HECTD4: variants seen among roughly 807,000 people sequenced by gnomAD.
HECTD4 encodes probable E3 ubiquitin-protein ligase HECTD4.
Under a neutral mutation model 471.5 loss-of-function variants are expected in HECTD4, and 114 were observed. The observed-to-expected ratio is 0.24, with a 90% CI of 0.21 to 0.28. The LOEUF (loss-of-function observed/expected upper bound fraction) is 0.28, where lower values mean the gene tolerates loss of function less well. HECTD4 is among the 10% of genes least tolerant of loss of function. HECTD4 has a pLI of 1.00. For missense variants in HECTD4, 3,866 were observed against 5,651.5 expected (o/e 0.68, Z 10.13); for synonymous variants, 2,012 against 2,256.0 (o/e 0.89, Z 3.07).
Position 112,324,074 on chromosome 12 carries a change from CTTT to C in HECTD4, c.178-4335_178-4333del, listed in dbSNP as rs1418356892. Among the ~76,000 whole-genome samples the C allele has an allele frequency of 6.1e-3, 524 of 86,044 alleles. 103 individuals are homozygous for C. Among genetic ancestry groups the C allele is most frequent in the African/African-American group, 0.026 (400 of 15,370 alleles). 56.4% of individuals were successfully genotyped at this position (86,044 alleles called of 152,430 possible). On this transcript the variant is annotated intron_variant, in intron 1 of 75. Transcript: ENST00000682272. Reference sequence around the variant, plus strand: ...TCTTTCTTTCTTTCTTTCTTTCTTTCTTTCTTTCTTTCTTTCTTTCTTTCTTTC... The same window carrying C: ...TCTTTCTTTCTTTCTTTCTTTCTTTCCTTTCTTTCTTTCTTTCTTTCTTTC...
At chr12:112,350,669 C>T (rs1204259206) in intron 1 of HECTD4, among the ~76,000 whole-genome samples, 1 of 152,082 alleles carries the variant, frequency 6.6e-6, no homozygotes, top group East Asian at 1.9e-4. Context: ...TATAGTGTCC[C>T]TCAAGTGAGT....
chr12:112,180,065 G>GA (rs549863209), intron 62 of HECTD4, among the ~76,000 whole-genome samples: 7 of 152,308 alleles, frequency 4.6e-5, no homozygotes, highest in Admixed American at 4.6e-4. Flanking sequence ...ATGCTCTTAG[G>GA]AATCACTCCG....
intron 1 of HECTD4, among the ~76,000 whole-genome samples, chr12:112,377,856 A>G (rs73209619): frequency 0.01 from 1,539 of 152,280 alleles, 9 homozygotes; most frequent in Non-Finnish European, 0.017. Context: ...GGTAACAAGA[A>G]TAAAACTCGG....
intron 7 of HECTD4, among the ~76,000 whole-genome samples, chr12:112,293,434 C>T (rs893940119): frequency 1.3e-5 from 2 of 150,682 alleles, no homozygotes; most frequent in Admixed American, 1.3e-4. Context: ...CTCAGCCACT[C>T]GGGAGGCTGA....
chr12:112,308,871 T>C lies in HECTD4; in HGVS notation c.1046A>G (p.Asn349Ser). The C allele has an allele frequency of 6.5e-7, 1 of 1,536,082 alleles. No homozygotes were observed. The highest frequency in any genetic ancestry group is 8.7e-7 in the Non-Finnish European group (1 of 1,146,872). ...GTLRGFVYCR[N>S]EELEPGWVAF... ...CACCCATCCTGGTTCCAACTCCTCG[T>C]TCCGGCAGTACACAAAACCTCTGTG... Residue 349 changes from asparagine (N) to serine (S), a missense_variant, in exon 6 of 76, where the codon AAC becomes AGC. Around this residue, in one of 16 missense-constraint regions of HECTD4, gnomAD observed 440 missense variants for 636.0 expected, o/e 0.69. Transcript: ENST00000682272.
At chr12:112,248,568 C>T (rs933159516) in intron 25 of HECTD4, 56 bp from the exon 26 acceptor site, 2 of 1,153,662 alleles carry the variant, frequency 1.7e-6, no homozygotes, top group Non-Finnish European at 2.4e-6. Context: ...CTTCTCAATA[C>T]TGTATTTTAT....
At chr12:112,351,512 A>G (rs1436615845) in intron 1 of HECTD4, among the ~76,000 whole-genome samples, 3 of 152,260 alleles carry the variant, frequency 2.0e-5, no homozygotes, top group Non-Finnish European at 4.4e-5. Flanking sequence ...GGTTTAGGAA[A>G]CAAGTCTGTT....
intron 35 of HECTD4, among the ~76,000 whole-genome samples, chr12:112,236,144 A>G (rs1472139646): frequency 6.6e-6 from 1 of 152,200 alleles, no homozygotes; most frequent in Non-Finnish European, 1.5e-5. Flanking sequence ...AATTTATTTA[A>G]CATGTATACA....
rs1036544640 is a variant in HECTD4 at position 112,161,314 on chromosome 12, T to C, written c.*1073A>G. ...TGGCATACACACTTACATGGGGTGA[T>C]GGGGAGTGCTGGGTGGGGCTGGCCA... On this transcript the variant is annotated 3_prime_UTR_variant, in exon 76 of 76. Transcript: ENST00000682272. 1.3e-5 allele frequency: 2 copies of C among 152,082 alleles called. No homozygotes were observed. Among genetic ancestry groups the C allele is most frequent in the African/African-American group, 4.8e-5 (2 of 41,398 alleles). 9.4% of individuals were successfully genotyped at this position (152,082 alleles called of 1,614,324 possible).
chr12:112,363,449 A>C (rs998970026), intron 1 of HECTD4, among the ~76,000 whole-genome samples: 1 of 152,230 alleles, frequency 6.6e-6, no homozygotes, highest in African/African-American at 2.4e-5. Flanking sequence ...TAATGGACAT[A>C]GAATAGGTTT....
chr12:112,335,264 T>C (rs968301820), intron 1 of HECTD4, among the ~76,000 whole-genome samples: 28 of 151,980 alleles, frequency 1.8e-4, no homozygotes, highest in African/African-American at 6.8e-4. Context: ...TTACTCTAAG[T>C]GAAGTAACTC....
At chr12:112,335,586 G>C (rs999520615) in intron 1 of HECTD4, among the ~76,000 whole-genome samples, 1 of 152,128 alleles carries the variant, frequency 6.6e-6, no homozygotes, top group African/African-American at 2.4e-5. Flanking sequence ...TACTCGAGAG[G>C]CTGAGGCAGG....
chr12:112,291,566 C>A (rs2034886265), intron 7 of HECTD4, among the ~76,000 whole-genome samples: 1 of 151,616 alleles, frequency 6.6e-6, no homozygotes, highest in South Asian at 2.1e-4. Flanking sequence ...TGAGACCCCC[C>A]CATCTTTAAA....
intron 39 of HECTD4, 82 bp downstream of exon 39, chr12:112,231,430 AG>A: frequency 7.5e-7 from 1 of 1,339,744 alleles, no homozygotes; most frequent in Non-Finnish European, 1.1e-6. Flanking sequence ...AGGGGATGGT[AG>A]AAAATTAAAA....
chr12:112,202,409 T>A (rs1242207505), intron 54 of HECTD4, among the ~76,000 whole-genome samples: 1 of 152,074 alleles, frequency 6.6e-6, no homozygotes, highest in African/African-American at 2.4e-5. Context: ...TTTCATTATG[T>A]TGGCTAGGCT....
At chr12:112,205,887 C>G (rs1182921083) in intron 52 of HECTD4, among the ~76,000 whole-genome samples, 1 of 152,090 alleles carries the variant, frequency 6.6e-6, no homozygotes, top group African/African-American at 2.4e-5. Context: ...AGCCACCGTG[C>G]CTGGCCAGGT....
rs1223753524 is a variant in HECTD4, at chr12:112,228,856, T to C, written c.6520-45A>G. ...AGCACTACCAACCAGCTCTGACGTG[T>C]GGGCAGCTGTCTTACGAGACAAGAG... is the stretch of plus-strand genomic sequence containing the variant. On this transcript the variant is annotated intron_variant, in intron 41 of 75. Coordinates refer to ENST00000682272, the MANE Select transcript of HECTD4 (RefSeq NM_001388303.1). The surrounding 1 kb of genome is among the most constrained non-coding windows in gnomAD (Gnocchi z 4.9). 1.3e-6 allele frequency: 2 copies of C among 1,561,292 alleles called. No individual in the cohort carries two copies. The highest frequency in any genetic ancestry group is 1.4e-5 in the African/African-American group (1 of 72,488).
In HECTD4 at chr12:112,239,504, T is replaced by C. The variant is rs370508728; in HGVS notation, c.5106-268A>G. Among the ~76,000 whole-genome samples the C allele has an allele frequency of 3.3e-5, 5 of 152,198 alleles. No individual in the cohort carries two copies. In the East Asian group the frequency reaches 7.7e-4, roughly 23 times the overall value. ...TGCCATGATGGAAAAAAATCATGTA[T>C]TTTGTCCTAAGGGGATTCAATGAAT... On this transcript the variant is annotated intron_variant, in intron 33 of 75. Coordinates refer to ENST00000682272, the MANE Select transcript of HECTD4 (RefSeq NM_001388303.1). This position sits in a 1 kb window ranked among gnomAD's most constrained non-coding sequence, Gnocchi z 4.9.
chr12:112,263,722 T>TACAC (rs1221410235), intron 17 of HECTD4, among the ~76,000 whole-genome samples: 2 of 148,098 alleles, frequency 1.4e-5, no homozygotes, highest in Non-Finnish European at 1.5e-5. Context: ...TATATATATA[T>TACAC]ATACACACAC....
Sources: gnomAD v4.1 joint callset for allele counts (sites outside exome capture counted in the v4.1 genomes callset) on GRCh38, gnomAD v4.1.1 for gene constraint, gnomAD v4.1.1 regional missense constraint, Gnocchi (gnomAD v3.1) non-coding constraint, MANE v1.5 for transcripts, NCBI Gene and HGNC (gene_info 2026-07-23, HGNC 2026-07-21) for gene names.